Variants in DTNB observed in about 807,000 individuals in gnomAD.
The protein encoded by DTNB is DTN-B.
DTNB carries 63 observed loss-of-function variants against 90.7 expected under a neutral mutation model. The observed-to-expected ratio is 0.69, with a 90% CI of 0.57 to 0.86. The LOEUF (loss-of-function observed/expected upper bound fraction) is 0.86. DTNB is among the 40% of genes least tolerant of loss of function. The pLI is 0.00. For synonymous variants in DTNB, 277 were observed against 286.7 expected, an observed-to-expected ratio of 0.97 and a Z score of 0.34; for missense variants, 744 against 807.1, an observed-to-expected ratio of 0.92 and a Z score of 0.95.
intron 8 of DTNB, among the ~76,000 whole-genome samples, chr2:25,540,900 A>G (rs973039619): frequency 2.5e-4 from 38 of 152,212 alleles, no homozygotes; most frequent in Middle Eastern, 3.4e-3. Context: ...GGACACAAAC[A>G]CTGCGGAAGG....
At chr2:25,541,773 C>T (rs948256877) in intron 8 of DTNB, among the ~76,000 whole-genome samples, 1 of 152,104 alleles carries the variant, frequency 6.6e-6, no homozygotes. Context: ...TGGTTATATA[C>T]CCATAAGTGG....
At chr2:25,632,223 C>T (rs899168298) in intron 3 of DTNB, among the ~76,000 whole-genome samples, 38 of 146,580 alleles carry the variant, frequency 2.6e-4, no homozygotes, top group African/African-American at 8.7e-4. Flanking sequence ...AGAAATTGAC[C>T]ATATCCTGAG....
intron 10 of DTNB, among the ~76,000 whole-genome samples, chr2:25,456,985 CA>C (rs776254072): frequency 3.9e-5 from 6 of 151,982 alleles, no homozygotes; most frequent in Non-Finnish European, 7.4e-5. Context: ...TGCTTTCTAG[CA>C]CAATAAAATG....
rs2063232705 is a variant in DTNB, at chr2:25,473,688, G to C, written c.1079+9108C>G. ...CTGGAAGAATCTGGATGACAAAAAC[G>C]ATGGTCTGGTTCCCAACCTTGTTCT... On this transcript the variant is annotated intron_variant, in intron 10 of 20. Coordinates refer to ENST00000406818, the MANE Select transcript of DTNB (RefSeq NM_021907.5). Among the ~76,000 whole-genome samples, 7 of 152,314 alleles carry C rather than the reference G, an allele frequency of 4.6e-5. No homozygotes were observed. In the South Asian group the frequency reaches 1.5e-3, roughly 32 times the overall value.
At chr2:25,395,202 G>A (rs965528810) in intron 16 of DTNB, among the ~76,000 whole-genome samples, 7 of 152,138 alleles carry the variant, frequency 4.6e-5, no homozygotes, top group Admixed American at 3.9e-4. Flanking sequence ...GCCTAAGAAT[G>A]ATATATTGGA....
intron 10 of DTNB, among the ~76,000 whole-genome samples, chr2:25,459,815 T>G (rs560988141): frequency 1.3e-5 from 2 of 152,012 alleles, no homozygotes; most frequent in African/African-American, 4.8e-5. Context: ...TATATTTTAA[T>G]AAGATCATTA....
rs184188995 is a variant in DTNB, at chr2:25,380,796, T to C, written c.1880-1473A>G. 3.8e-3 allele frequency among the ~76,000 whole-genome samples: 542 copies of C among 142,040 alleles called. 2 individuals carry two copies. Among genetic ancestry groups the C allele is most frequent in the South Asian group, 0.016 (70 of 4,468 alleles). The allele number at this position is 142,040 out of a possible 152,430, so 93.2% of individuals were successfully genotyped here. The stretch of plus-strand genomic sequence containing the variant: ...CGGGCGAGGGAAACCCAGTCTGATG[T>C]GGACAGTGGAGTGCAGGTGCAAAGA... On this transcript the variant is annotated intron_variant, in intron 19 of 20. Coordinates refer to ENST00000406818, the MANE Select transcript of DTNB (RefSeq NM_021907.5).
chr2:25,551,067 A>G (rs1402144541), intron 8 of DTNB, among the ~76,000 whole-genome samples: 2 of 152,016 alleles, frequency 1.3e-5, no homozygotes, highest in Non-Finnish European at 2.9e-5. Flanking sequence ...TTCATACTCT[A>G]TTTCTTATCT....
rs142975608 is a variant in DTNB, at chr2:25,409,227, TTTCA to T, written c.1575+10284_1575+10287del. Among the ~76,000 whole-genome samples the T allele has an allele frequency of 7.1e-3, 1,087 of 152,242 alleles. 6 individuals are homozygous for T. The highest frequency in any genetic ancestry group is 0.017 in the African/African-American group (700 of 41,540). On this transcript the variant is annotated intron_variant, in intron 16 of 20. Coordinates refer to ENST00000406818, the MANE Select transcript of DTNB (RefSeq NM_021907.5). ...AATCAGTGAAATAAACCCAACTGGA[TTTCA>T]TTCATTCATTCATTCATTCATTCAC...
intron 9 of DTNB, among the ~76,000 whole-genome samples, chr2:25,505,130 T>C (rs926081149): frequency 1.3e-5 from 2 of 152,212 alleles, no homozygotes; most frequent in African/African-American, 4.8e-5. Context: ...TGATAGATCA[T>C]GGATCCTCTC....
chr2:25,582,754 T>C (rs1013025073), intron 6 of DTNB, among the ~76,000 whole-genome samples: 1 of 152,156 alleles, frequency 6.6e-6, no homozygotes, highest in Non-Finnish European at 1.5e-5. Context: ...CCTACCCAAA[T>C]AGGCTAAATA....
chr2:25,455,894 C>A (rs994644195), intron 10 of DTNB, among the ~76,000 whole-genome samples: 1 of 152,188 alleles, frequency 6.6e-6, no homozygotes, highest in African/African-American at 2.4e-5. Context: ...GACCCCCTAG[C>A]GCTATGCTTT....
At chr2:25,591,696 C>T (rs113430036) in intron 6 of DTNB, among the ~76,000 whole-genome samples, 116 of 152,206 alleles carry the variant, frequency 7.6e-4, no homozygotes, top group African/African-American at 2.6e-3. Flanking sequence ...ATCACAATCA[C>T]AAATTTGCAA....
chr2:25,663,444 G>A (rs1229615868), intron 1 of DTNB, among the ~76,000 whole-genome samples: 2 of 152,142 alleles, frequency 1.3e-5, no homozygotes, highest in Non-Finnish European at 2.9e-5. Flanking sequence ...GGATTGCTGG[G>A]TCAAACGTTA....
intron 5 of DTNB, chr2:25,598,731 T>C (rs2065173838): frequency 6.6e-6 from 1 of 152,094 alleles, no homozygotes; most frequent in Non-Finnish European, 1.5e-5. Context: ...AGGTTGAGGA[T>C]AGGGACTGGG....
At chr2:25,642,492 G>C (rs1255952751) in intron 2 of DTNB, among the ~76,000 whole-genome samples, 1 of 151,422 alleles carries the variant, frequency 6.6e-6, no homozygotes, top group Admixed American at 6.6e-5. Flanking sequence ...TCGGTTCACT[G>C]CAGCCTTGAC....
At chr2:25,649,001 T>TC (rs1413715885) in intron 2 of DTNB, among the ~76,000 whole-genome samples, 4 of 96,808 alleles carry the variant, frequency 4.1e-5, no homozygotes, top group Non-Finnish European at 8.4e-5. Context: ...ACCTTTTTTT[T>TC]TTTTTTTTTT....
intron 15 of DTNB, among the ~76,000 whole-genome samples, chr2:25,426,402 T>C (rs999178600): frequency 6.6e-6 from 1 of 152,240 alleles, no homozygotes; most frequent in African/African-American, 2.4e-5. Context: ...AATTTCATGG[T>C]ATAAATAGGC....
chr2:25,641,442 G>T (rs989955054), intron 2 of DTNB, among the ~76,000 whole-genome samples: 1 of 151,994 alleles, frequency 6.6e-6, no homozygotes, highest in African/African-American at 2.4e-5. Context: ...TACCTCAAAG[G>T]ATATTTTATT....
Sources: gnomAD v4.1 joint callset for allele counts (sites outside exome capture counted in the v4.1 genomes callset) on GRCh38, gnomAD v4.1.1 for gene constraint, MANE v1.5 for transcripts, NCBI Gene and HGNC (gene_info 2026-07-23, HGNC 2026-07-21) for gene names.